Variants in TEC observed in about 807,000 individuals in gnomAD.
TEC encodes tyrosine-protein kinase Tec.
A neutral mutation model predicts 93.0 loss-of-function variants in TEC; 72 were observed. That is an observed-to-expected ratio of 0.77 (90% CI 0.64 to 0.94). The LOEUF is 0.94. Ranked by LOEUF, TEC falls within the 40% of genes least tolerant of loss-of-function variation. The probability of loss-of-function intolerance (pLI) is 0.00; values close to 1 mark genes in which losing one functional copy is unlikely to be tolerated. For missense variants in TEC, 630 were observed against 757.9 expected, an observed-to-expected ratio of 0.83 and a Z score of 1.98; for synonymous variants, 249 against 247.7, an observed-to-expected ratio of 1.01 and a Z score of -0.05.
chr4:48,173,906 C>T (rs979029570), intron 3 of TEC, among the ~76,000 whole-genome samples: 12 of 152,164 alleles, frequency 7.9e-5, no homozygotes, highest in Non-Finnish European at 1.8e-4. Flanking sequence ...CCATTCTCTC[C>T]ATCCGTCCTA....
chr4:48,269,210 A>G (rs2109685268), intron 1 of TEC, among the ~76,000 whole-genome samples: 1 of 152,270 alleles, frequency 6.6e-6, no homozygotes, highest in East Asian at 1.9e-4. Flanking sequence ...TTAATACTTT[A>G]AGTTCTAGGA....
intron 9 of TEC, among the ~76,000 whole-genome samples, chr4:48,154,247 G>A (rs4571301): frequency 0.13 from 20,015 of 152,128 alleles, 1,548 homozygotes; most frequent in East Asian, 0.35. Flanking sequence ...TAAATTGTTG[G>A]TAAAATAAAA....
chr4:48,237,160 A>G (rs1461678177), intron 1 of TEC, among the ~76,000 whole-genome samples: 1 of 152,090 alleles, frequency 6.6e-6, no homozygotes, highest in Admixed American at 6.6e-5. Context: ...GCAAAACCCT[A>G]TCTCTACTGA....
At chr4:48,196,116 G>A (rs1275799941) in intron 2 of TEC, among the ~76,000 whole-genome samples, 2 of 152,196 alleles carry the variant, frequency 1.3e-5, no homozygotes, top group East Asian at 3.9e-4. Context: ...TGCCTAGAGA[G>A]CTGGTAAAGC....
chr4:48,233,367 A>G (rs1412488908), intron 1 of TEC, among the ~76,000 whole-genome samples: 1 of 149,848 alleles, frequency 6.7e-6, no homozygotes, highest in African/African-American at 2.5e-5. Context: ...TTTTAAAGAC[A>G]AGGTCTGGCT....
At chr4:48,212,442 C>G (rs113834210) in intron 2 of TEC, among the ~76,000 whole-genome samples, 2,054 of 152,250 alleles carry the variant, frequency 0.013, 54 homozygotes, top group African/African-American at 0.047. Flanking sequence ...GATAAGACAT[C>G]TTGGTTCGCC....
intron 2 of TEC, among the ~76,000 whole-genome samples, chr4:48,183,637 C>T (rs1188193875): frequency 6.6e-6 from 1 of 152,234 alleles, no homozygotes; most frequent in Non-Finnish European, 1.5e-5. Context: ...GCCTCCTCCC[C>T]TACTCCTGGT....
At chr4:48,237,208 T>C (rs1723808745) in intron 1 of TEC, among the ~76,000 whole-genome samples, 1 of 151,400 alleles carries the variant, frequency 6.6e-6, no homozygotes, top group Non-Finnish European at 1.5e-5. Flanking sequence ...TAGTCCCAGC[T>C]ACTTGGGAGG....
Position 48,168,572 on chromosome 4 carries a change from T to C in TEC, c.495+14A>G. 6.2e-7 allele frequency: 1 copy of C among 1,611,500 alleles called. No homozygotes were observed. Among genetic ancestry groups the C allele is most frequent in the South Asian group, 1.1e-5 (1 of 90,272 alleles). On this transcript the variant is annotated intron_variant, in intron 6 of 17. Transcript: ENST00000381501. The stretch of plus-strand genomic sequence containing the variant: ...AATGTAAAGATTAACTATCAAAAGC[T>C]AAAGACCACCTACCTTCTTTGTTTC...
chr4:48,193,992 C>T (rs1722192426), intron 2 of TEC, among the ~76,000 whole-genome samples: 1 of 152,044 alleles, frequency 6.6e-6, no homozygotes. Context: ...TACGCAATGG[C>T]CAAATCTGTG....
intron 14 of TEC, among the ~76,000 whole-genome samples, chr4:48,144,635 C>G (rs1719827303): frequency 6.6e-6 from 1 of 152,140 alleles, no homozygotes; most frequent in Non-Finnish European, 1.5e-5. Context: ...TTTTAAAAAT[C>G]CAAAGGATTT....
rs149757303 is a variant in TEC at position 48,145,212 on chromosome 4, T to G, written c.1337A>C (p.Glu446Ala). ...GAGGAAATTCAGAAGGCAGCCCCTTTCCATGAACTCAGTAACAATGTATAT... is the reference window on the plus strand; with the variant it reads ...GAGGAAATTCAGAAGGCAGCCCCTTGCCATGAACTCAGTAACAATGTATAT... ...KPIYIVTEFM[E>A]RGCLLNFLRQ... Residue 446 changes from glutamate (E) to alanine (A), a missense_variant, in exon 14 of 18, where the codon GAA becomes GCA. Glu to Ala is a moderately radical substitution (Grantham distance 107). Coordinates refer to ENST00000381501, the MANE Select transcript of TEC (RefSeq NM_003215.3). 1.3e-5 allele frequency: 21 copies of G among 1,614,016 alleles called. No homozygotes were observed. The African/African-American group carries it at 2.3e-4, about 17-fold the overall frequency.
intron 1 of TEC, among the ~76,000 whole-genome samples, chr4:48,249,634 C>T (rs953808594): frequency 2.0e-5 from 3 of 152,178 alleles, no homozygotes; most frequent in Admixed American, 6.5e-5. Flanking sequence ...GAAGTAATTA[C>T]CTTTGGAGAT....
At chr4:48,145,679 TTACAGGA>T in intron 12 of TEC, 100 bp from the exon 13 acceptor site, 2 of 1,279,414 alleles carry the variant, frequency 1.6e-6, no homozygotes, top group Non-Finnish European at 2.2e-6. Flanking sequence ...AACCTCAAAA[TTACAGGA>T]TAACACTGTA....
chr4:48,226,736 A>G (rs1294741683), intron 2 of TEC, among the ~76,000 whole-genome samples: 1 of 152,148 alleles, frequency 6.6e-6, no homozygotes, highest in African/African-American at 2.4e-5. Context: ...CTATATGCAG[A>G]TTTTTGACTG....
At chr4:48,182,895 T>C (rs1284973720) in intron 2 of TEC, among the ~76,000 whole-genome samples, 1 of 152,116 alleles carries the variant, frequency 6.6e-6, no homozygotes, top group Non-Finnish European at 1.5e-5. Context: ...GAGAAGTCAT[T>C]TATCTCAGGA....
At chr4:48,229,535 T>A (rs945776118) in intron 1 of TEC, among the ~76,000 whole-genome samples, 6 of 152,254 alleles carry the variant, frequency 3.9e-5, no homozygotes, top group African/African-American at 1.4e-4. Context: ...ACGCCTGTTA[T>A]CCCAGCACTT....
At position 48,264,099 on chromosome 4, in the gene TEC, G is replaced by T. The variant is rs1724570216; in HGVS notation, c.-46+5653C>A. Among the ~76,000 whole-genome samples, 5 of 152,204 alleles carry T rather than the reference G, an allele frequency of 3.3e-5. No homozygotes were observed. The South Asian group carries it at 8.3e-4, about 25-fold the overall frequency. On this transcript the variant is annotated intron_variant, in intron 1 of 17. Transcript: ENST00000381501. The stretch of plus-strand genomic sequence containing the variant: ...TTTATTTCATGTATAAATCAGCAAG[G>T]ATGGAGAGAATGAGTGAAGAGACAA...
intron 2 of TEC, among the ~76,000 whole-genome samples, chr4:48,205,128 C>A (rs1424205592): frequency 6.6e-6 from 1 of 152,222 alleles, no homozygotes; most frequent in Admixed American, 6.5e-5. Flanking sequence ...CAACTTGCCT[C>A]AGAAGACTGT....
Sources: gnomAD v4.1 joint callset for allele counts (sites outside exome capture counted in the v4.1 genomes callset) on GRCh38, gnomAD v4.1.1 for gene constraint, MANE v1.5 for transcripts, NCBI Gene and HGNC (gene_info 2026-07-23, HGNC 2026-07-21) for gene names.